The following DOCK3 variants were observed in gnomAD, a reference collection of about 807,000 sequenced individuals.
DOCK3 encodes dedicator of cytokinesis protein 3.
Under a neutral mutation model 265.6 loss-of-function variants are expected in DOCK3, and 60 were observed. The observed-to-expected ratio is 0.23, with a 90% CI of 0.18 to 0.28. The LOEUF (loss-of-function observed/expected upper bound fraction) is 0.28, where lower values mean the gene tolerates loss of function less well. Among genes scored for constraint, DOCK3 ranks in the 10% least tolerant of loss-of-function variants. The probability of loss-of-function intolerance (pLI) is 1.00; values close to 1 mark genes in which losing one functional copy is unlikely to be tolerated. For missense variants in DOCK3, 1,981 were observed against 2,594.3 expected (o/e 0.76, Z 5.14); for synonymous variants, 881 against 938.0 (o/e 0.94, Z 1.11).
At chr3:50,880,886 C>G (rs2047985721) in intron 3 of DOCK3, among the ~76,000 whole-genome samples, 1 of 152,160 alleles carries the variant, frequency 6.6e-6, no homozygotes, top group Non-Finnish European at 1.5e-5. Flanking sequence ...CAATAAAATA[C>G]TGGCAAACTG....
chr3:51,336,528 G>A (rs2084889434), intron 35 of DOCK3, among the ~76,000 whole-genome samples: 1 of 152,276 alleles, frequency 6.6e-6, no homozygotes, highest in East Asian at 1.9e-4. Flanking sequence ...CTACTCAGGT[G>A]AGCCGGATGC....
At chr3:51,187,093 C>A (rs999237275) in intron 12 of DOCK3, among the ~76,000 whole-genome samples, 6 of 152,176 alleles carry the variant, frequency 3.9e-5, no homozygotes, top group African/African-American at 1.4e-4. Context: ...CCTGGAAAAG[C>A]CACAGATGCT....
At chr3:51,093,543 C>T (rs2082715478) in intron 9 of DOCK3, among the ~76,000 whole-genome samples, 1 of 152,190 alleles carries the variant, frequency 6.6e-6, no homozygotes, top group Non-Finnish European at 1.5e-5. Context: ...TATCCTGAGA[C>T]TTTGCTGAAG....
At chr3:51,035,559 C>T (rs2080233707) in intron 5 of DOCK3, among the ~76,000 whole-genome samples, 2 of 152,172 alleles carry the variant, frequency 1.3e-5, no homozygotes. Flanking sequence ...CTTATCATCT[C>T]AGGGTTGACA....
At chr3:51,236,499 G>C in intron 20 of DOCK3, 71 bp downstream of exon 20, 1 of 1,358,120 alleles carries the variant, frequency 7.4e-7, no homozygotes, top group South Asian at 1.3e-5. Flanking sequence ...TTTAAGGGAA[G>C]CAATTTATTA....
chr3:50,874,328 C>A (rs563692518), intron 3 of DOCK3, among the ~76,000 whole-genome samples: 2 of 151,458 alleles, frequency 1.3e-5, no homozygotes, highest in South Asian at 4.2e-4. Context: ...ATGGCAAGAC[C>A]GTATGTCTGC....
At chr3:50,778,841 A>T in intron 2 of DOCK3, 83 bp downstream of exon 2, 3 of 946,382 alleles carry the variant, frequency 3.2e-6, no homozygotes, top group Non-Finnish European at 4.7e-6. Flanking sequence ...ATAAGATTAT[A>T]AGCAATAATT....
chr3:51,308,997 C>T (rs1432123247), intron 27 of DOCK3, among the ~76,000 whole-genome samples: 2 of 149,858 alleles, frequency 1.3e-5, no homozygotes, highest in African/African-American at 5.0e-5. Flanking sequence ...GGCGGCGGGG[C>T]AGAGGCGCTC....
chr3:51,356,585 G>A (rs2086380356), intron 43 of DOCK3, 92 bp downstream of exon 43: 2 of 1,354,910 alleles, frequency 1.5e-6, no homozygotes, highest in Non-Finnish European at 2.1e-6. Flanking sequence ...GAAAAAGAGA[G>A]CGTCGGCCAC....
intron 5 of DOCK3, among the ~76,000 whole-genome samples, chr3:51,045,054 C>T (rs2080715601): frequency 6.6e-6 from 1 of 152,122 alleles, no homozygotes; most frequent in Non-Finnish European, 1.5e-5. Flanking sequence ...ACAAACTTTT[C>T]CTTTGCATTC....
At chr3:51,014,104 C>T (rs373922892) in intron 5 of DOCK3, among the ~76,000 whole-genome samples, 29 of 152,110 alleles carry the variant, frequency 1.9e-4, no homozygotes, top group African/African-American at 2.4e-4. Context: ...GGGAATCCCC[C>T]GACCCCTTGA....
At chr3:50,854,591 A>ATTTTTTTTTTTTTTTTTTTTTTTTTTT (rs1559726991) in intron 3 of DOCK3, among the ~76,000 whole-genome samples, 4 of 4,314 alleles carry the variant, frequency 9.3e-4, no homozygotes, top group African/African-American at 1.7e-3. Flanking sequence ...CCATCACACC[A>ATTTTTTTTTTTTTTTTTTTTTTTTTTT]GTTTTTTTTT....
At chr3:51,157,796 C>CTTT (rs11404204) in intron 10 of DOCK3, among the ~76,000 whole-genome samples, 27 of 129,654 alleles carry the variant, frequency 2.1e-4, no homozygotes, top group Admixed American at 5.2e-4. Context: ...TTGATTGTAC[C>CTTT]TTTTTTTTTT....
At chr3:51,368,781 G>A (rs1051026621) in intron 49 of DOCK3, among the ~76,000 whole-genome samples, 1 of 152,188 alleles carries the variant, frequency 6.6e-6, no homozygotes, top group Non-Finnish European at 1.5e-5. Flanking sequence ...GAACCCTCAG[G>A]AGCCTAACTG....
At chr3:50,921,621 A>G (rs2050473309) in intron 4 of DOCK3, among the ~76,000 whole-genome samples, 1 of 151,952 alleles carries the variant, frequency 6.6e-6, no homozygotes, top group Admixed American at 6.6e-5. Flanking sequence ...CCTTTGGTGG[A>G]GAAGAGGTGC....
At chr3:51,332,309 G>A (rs574690436) in intron 33 of DOCK3, among the ~76,000 whole-genome samples, 1 of 152,368 alleles carries the variant, frequency 6.6e-6, no homozygotes, top group African/African-American at 2.4e-5. Flanking sequence ...CTGTGCGATG[G>A]CAGAGGATCT....
chr3:50,927,346 G>A (rs138651006), intron 4 of DOCK3, among the ~76,000 whole-genome samples: 34 of 152,240 alleles, frequency 2.2e-4, no homozygotes, highest in Non-Finnish European at 3.4e-4. Context: ...AGATCTAGTC[G>A]TTTGATAGCA....
intron 32 of DOCK3, among the ~76,000 whole-genome samples, chr3:51,318,414 A>G (rs930828616): frequency 4.6e-5 from 7 of 152,160 alleles, no homozygotes; most frequent in African/African-American, 1.7e-4. Context: ...GGGAAGAATT[A>G]TGTCTTAATA....
chr3:50,715,461 G>A (rs936712341), intron 1 of DOCK3, among the ~76,000 whole-genome samples: 3 of 152,102 alleles, frequency 2.0e-5, no homozygotes, highest in African/African-American at 7.2e-5. Context: ...TGAGGTGGGA[G>A]GATCACTTGA....
Sources: gnomAD v4.1 joint callset for allele counts (sites outside exome capture counted in the v4.1 genomes callset) on GRCh38, gnomAD v4.1.1 for gene constraint, MANE v1.5 for transcripts, NCBI Gene and HGNC (gene_info 2026-07-23, HGNC 2026-07-21) for gene names.